Variants in RYR2 observed in about 807,000 individuals in gnomAD.
The protein encoded by RYR2 is ryanodine receptor 2.
In RYR2, 227 loss-of-function variants were observed where a neutral mutation model predicts 601.1. The ratio of observed to expected loss-of-function variants is 0.38; its 90% CI spans 0.34 to 0.42. The LOEUF (loss-of-function observed/expected upper bound fraction) is 0.42. Ranked by LOEUF, RYR2 falls within the 10% of genes least tolerant of loss-of-function variation. The pLI, the probability that RYR2 is intolerant of heterozygous loss-of-function variation, is 1.00. For missense variants in RYR2, 4,646 were observed against 6,156.5 expected, an observed-to-expected ratio of 0.75 and a Z score of 8.21; for synonymous variants, 2,223 against 2,175.1, an observed-to-expected ratio of 1.02 and a Z score of -0.61.
intron 27 of RYR2, among the ~76,000 whole-genome samples, chr1:237,554,118 T>A (rs1451110014): frequency 6.6e-6 from 1 of 151,986 alleles, no homozygotes; most frequent in African/African-American, 2.4e-5. Flanking sequence ...TTAAGTATGA[T>A]GTTAAGTATA....
intron 1 of RYR2, among the ~76,000 whole-genome samples, chr1:237,224,202 G>GA (rs145715252): frequency 1.5e-4 from 22 of 151,362 alleles, no homozygotes; most frequent in East Asian, 5.8e-4. Context: ...ATGACAATTT[G>GA]AAAAAAAACT....
intron 1 of RYR2, among the ~76,000 whole-genome samples, chr1:237,096,443 A>C (rs191817997): frequency 2.0e-5 from 3 of 152,340 alleles, no homozygotes; most frequent in African/African-American, 7.2e-5. Flanking sequence ...GTTTCTTTAC[A>C]GCAATAGGTG....
chr1:237,727,940 G>A (rs893373388), intron 76 of RYR2, among the ~76,000 whole-genome samples: 8 of 152,126 alleles, frequency 5.3e-5, no homozygotes, highest in African/African-American at 1.7e-4. Context: ...TATACAAATT[G>A]CATCACCTCT....
At chr1:237,551,601 G>GT (rs1233986067) in intron 27 of RYR2, among the ~76,000 whole-genome samples, 1 of 151,112 alleles carries the variant, frequency 6.6e-6, no homozygotes, top group East Asian at 1.9e-4. Context: ...TGCAGTCTGA[G>GT]TTAGTTTAAT....
intron 71 of RYR2, among the ~76,000 whole-genome samples, chr1:237,714,895 G>A (rs574031233): frequency 1.1e-4 from 16 of 150,210 alleles, no homozygotes; most frequent in African/African-American, 3.9e-4. Flanking sequence ...TTGGGAGGCT[G>A]AGGCAGAGCA....
chr1:237,401,180 G>A (rs1178574914), intron 10 of RYR2, among the ~76,000 whole-genome samples: 1 of 152,120 alleles, frequency 6.6e-6, no homozygotes, highest in African/African-American at 2.4e-5. Flanking sequence ...AACTCAAATT[G>A]CCTATATAAT....
In RYR2 at chr1:237,394,770, C is replaced by T. The variant is rs552907591; in HGVS notation, c.773+6587C>T. ...CTGCCACTATCTTTCTGGAACTCAC[C>T]GTCTCTATTAGTCTGTTCTCACACT... On this transcript the variant is annotated intron_variant, in intron 10 of 104. Coordinates refer to ENST00000366574, the MANE Select transcript of RYR2 (RefSeq NM_001035.3). Among the ~76,000 whole-genome samples, 3 of 152,244 alleles carry T rather than the reference C, an allele frequency of 2.0e-5. No homozygotes were observed. In the East Asian group the frequency reaches 5.8e-4, roughly 29 times the overall value.
intron 1 of RYR2, among the ~76,000 whole-genome samples, chr1:237,057,389 G>A (rs1181777442): frequency 3.9e-5 from 6 of 152,050 alleles, no homozygotes; most frequent in East Asian, 1.9e-4. Context: ...GTTTCGCCAC[G>A]TTAGCCAGGA....
At chr1:237,750,393 C>T (rs936763893) in intron 80 of RYR2, among the ~76,000 whole-genome samples, 3 of 151,542 alleles carry the variant, frequency 2.0e-5, no homozygotes, top group Non-Finnish European at 2.9e-5. Flanking sequence ...TAGGAGCCAA[C>T]GTGAAATTAC....
At chr1:237,411,593 C>T (rs941516813) in intron 10 of RYR2, among the ~76,000 whole-genome samples, 4 of 152,120 alleles carry the variant, frequency 2.6e-5, no homozygotes, top group Non-Finnish European at 5.9e-5. Flanking sequence ...TCAGAGCTGA[C>T]ATTTGTTGTG....
intron 64 of RYR2, 141 bp downstream of exon 64, chr1:237,699,166 C>G: frequency 2.2e-6 from 1 of 454,900 alleles, no homozygotes; most frequent in Non-Finnish European, 3.9e-6. Context: ...AAAAGAAAAA[C>G]TTTTTAAAAT....
intron 1 of RYR2, among the ~76,000 whole-genome samples, chr1:237,233,765 C>T (rs1685245411): frequency 6.6e-6 from 1 of 152,186 alleles, no homozygotes. Flanking sequence ...AGGGATTCTC[C>T]TGCCTCAGCC....
Position 237,589,937 on chromosome 1 carries a change from C to G in RYR2, c.3743C>G (p.Thr1248Ser). ...PFAVNTNRDI[T>S]MWLSKRLPQF... ...GCCGTTAATACAAACAGGGATATTACCATGTGGCTGAGCAAGAGGCTTCCT... is the reference window on the plus strand; with the variant it reads ...GCCGTTAATACAAACAGGGATATTAGCATGTGGCTGAGCAAGAGGCTTCCT... The change falls in exon 30 of 105, where the codon ACC becomes AGC. Residue 1248 changes from threonine (T) to serine (S), a missense_variant. Around this residue, in one of 17 missense-constraint regions of RYR2, gnomAD observed 1,807 missense variants for 2,088.1 expected, o/e 0.87. Transcript: ENST00000366574. 6.2e-7 allele frequency: 1 copy of G among 1,613,890 alleles called. No homozygotes were observed. The highest frequency in any genetic ancestry group is 8.5e-7 in the Non-Finnish European group (1 of 1,179,858).
intron 62 of RYR2, among the ~76,000 whole-genome samples, chr1:237,681,934 T>C (rs1685921043): frequency 6.6e-6 from 1 of 152,186 alleles, no homozygotes; most frequent in African/African-American, 2.4e-5. Context: ...TGTTAGCCTT[T>C]TTAAATAGGA....
intron 1 of RYR2, among the ~76,000 whole-genome samples, chr1:237,226,259 C>T (rs1227977357): frequency 1.3e-5 from 2 of 152,116 alleles, no homozygotes; most frequent in African/African-American, 2.4e-5. Context: ...GAAATTGCTG[C>T]GTATTTCGCC....
intron 16 of RYR2, among the ~76,000 whole-genome samples, chr1:237,459,343 G>T (rs1199896977): frequency 3.3e-5 from 5 of 152,248 alleles, no homozygotes; most frequent in South Asian, 4.1e-4. Flanking sequence ...CCAGCTGCGT[G>T]GGGGGCTGAA....
intron 1 of RYR2, among the ~76,000 whole-genome samples, chr1:237,083,103 A>T (rs1344483247): frequency 6.6e-6 from 1 of 152,154 alleles, no homozygotes; most frequent in East Asian, 1.9e-4. Flanking sequence ...CCCCTTTCAG[A>T]AGTTACAGAG....
At chr1:237,642,582 G>A (rs573608206) in intron 47 of RYR2, among the ~76,000 whole-genome samples, 1 of 152,246 alleles carries the variant, frequency 6.6e-6, no homozygotes, top group South Asian at 2.1e-4. Flanking sequence ...GACCAACCTT[G>A]GCATTTCTGA....
chr1:237,289,910 C>G (rs1692023771), intron 2 of RYR2, among the ~76,000 whole-genome samples: 1 of 151,980 alleles, frequency 6.6e-6, no homozygotes, highest in South Asian at 2.1e-4. Flanking sequence ...ATGTTTTTTC[C>G]AGTAGGTAAT....
Sources: gnomAD v4.1 joint callset for allele counts (sites outside exome capture counted in the v4.1 genomes callset) on GRCh38, gnomAD v4.1.1 for gene constraint, gnomAD v4.1.1 regional missense constraint, MANE v1.5 for transcripts, NCBI Gene and HGNC (gene_info 2026-07-23, HGNC 2026-07-21) for gene names.